FOXN4: variants seen among roughly 807,000 people sequenced by gnomAD.
FOXN4 encodes forkhead box N4, also known as forkhead box protein N4.
In FOXN4, 12 loss-of-function variants were observed where a neutral mutation model predicts 45.0. The observed-to-expected ratio is 0.27, with a 90% CI of 0.17 to 0.43. The LOEUF is 0.43. Ranked by LOEUF, FOXN4 falls within the 20% of genes least tolerant of loss-of-function variation. The pLI, the probability that FOXN4 is intolerant of heterozygous loss-of-function variation, is 1.00. For synonymous variants in FOXN4, 297 were observed against 295.0 expected, an observed-to-expected ratio of 1.01 and a Z score of -0.07; for missense variants, 560 against 694.9, an observed-to-expected ratio of 0.81 and a Z score of 2.18.
At chr12:109,296,962 C>T (rs1207703967) in intron 2 of FOXN4, among the ~76,000 whole-genome samples, 1 of 152,248 alleles carries the variant, frequency 6.6e-6, no homozygotes, top group Non-Finnish European at 1.5e-5. Context: ...GGATTGTTAT[C>T]GTCACCACCT....
intron 2 of FOXN4, among the ~76,000 whole-genome samples, chr12:109,293,266 C>T (rs552959146): frequency 5.9e-5 from 9 of 152,198 alleles, no homozygotes; most frequent in Non-Finnish European, 1.2e-4. Context: ...GGGTTGGGGT[C>T]CTGACTCCCT....
rs2047721083 is a variant in FOXN4, at chr12:109,287,220, G to A, written c.596+177C>T. Reference sequence around the variant, plus strand: ...GTCTGCAGTGGGCTCTTGACCTGGGGGACCCTATGATGCGCCTTCCTGAGA... The same window carrying A: ...GTCTGCAGTGGGCTCTTGACCTGGGAGACCCTATGATGCGCCTTCCTGAGA... On this transcript the variant is annotated intron_variant, in intron 6 of 9. Coordinates refer to ENST00000299162, the MANE Select transcript of FOXN4 (RefSeq NM_213596.3). The surrounding 1 kb of genome is among the most constrained non-coding windows in gnomAD (Gnocchi z 4.1). Among the ~76,000 whole-genome samples, 1 of 152,218 alleles carries A rather than the reference G, an allele frequency of 6.6e-6. No individual in the cohort carries two copies. The highest frequency in any genetic ancestry group is 1.5e-5 in the Non-Finnish European group (1 of 68,032).
In FOXN4 at chr12:109,287,993, G is replaced by A; in HGVS notation, c.358-39C>T. 1.3e-6 allele frequency: 2 copies of A among 1,549,554 alleles called. No homozygotes were observed. The highest frequency in any genetic ancestry group is 1.7e-6 in the Non-Finnish European group (2 of 1,146,834). ...AGAGGAGGAGACAGAGGGTCACGGT[G>A]GGGGTAGACACCCAGTCTGGAGGGC... On this transcript the variant is annotated intron_variant, in intron 4 of 9. Coordinates refer to ENST00000299162, the MANE Select transcript of FOXN4 (RefSeq NM_213596.3). The surrounding 1 kb of genome is among the most constrained non-coding windows in gnomAD (Gnocchi z 4.1).
At position 109,291,750 on chromosome 12, in the gene FOXN4, G is replaced by A. The variant is rs2047770301; in HGVS notation, c.87-1464C>T. On this transcript the variant is annotated intron_variant, in intron 2 of 9. Transcript: ENST00000299162. This position sits in a 1 kb window ranked among gnomAD's most constrained non-coding sequence, Gnocchi z 6.6. ...GCCCCCGCGATTGGCTGCCTCATAG[G>A]GAAACAGGGCCTGGAAACGATTTGA... Among the ~76,000 whole-genome samples the A allele has an allele frequency of 6.6e-6, 1 of 152,070 alleles. No individual in the cohort carries two copies. Among genetic ancestry groups the A allele is most frequent in the South Asian group, 2.1e-4 (1 of 4,816 alleles).
In FOXN4 at chr12:109,308,401, C is replaced by G. The variant is rs1055596338; in HGVS notation, c.-3-77G>C. On this transcript the variant is annotated intron_variant, in intron 1 of 9. Transcript: ENST00000299162. Reference sequence around the variant, plus strand: ...AGGGCAGAAACCCACAGTTTTCCCGCAATTCAGAAAGATGGAGCACAATCA... The same window carrying G: ...AGGGCAGAAACCCACAGTTTTCCCGGAATTCAGAAAGATGGAGCACAATCA... 1.4e-5 allele frequency: 14 copies of G among 980,514 alleles called. No homozygotes were observed. The African/African-American group carries it at 1.8e-4, about 13-fold the overall frequency. The allele number at this position is 980,514 out of a possible 1,614,324, so 60.7% of individuals were successfully genotyped here. A position where few individuals can be genotyped will look rare whatever the true frequency, so the allele number is the denominator to read the frequency against.
At chr12:109,284,398 G>C (rs1000286606) in intron 8 of FOXN4, among the ~76,000 whole-genome samples, 1 of 152,230 alleles carries the variant, frequency 6.6e-6, no homozygotes, top group Non-Finnish European at 1.5e-5. Flanking sequence ...CATAGGCAGA[G>C]CTGGGGCTGG....
intron 8 of FOXN4, among the ~76,000 whole-genome samples, chr12:109,282,439 C>A (rs948104592): frequency 6.6e-6 from 1 of 152,016 alleles, no homozygotes; most frequent in East Asian, 1.9e-4. Context: ...TAGAGCAAGA[C>A]CCTGCCTTTA....
intron 8 of FOXN4, 93 bp from the exon 9 acceptor site, chr12:109,281,892 T>C: frequency 7.1e-7 from 1 of 1,408,862 alleles, no homozygotes; most frequent in Non-Finnish European, 9.4e-7. Flanking sequence ...TCACCACCTG[T>C]GTGACCTTAG....
chr12:109,304,249 A>AAGAAAGAG (rs2047895280), intron 2 of FOXN4, among the ~76,000 whole-genome samples: 2 of 92,498 alleles, frequency 2.2e-5, no homozygotes, highest in Non-Finnish European at 4.5e-5. Flanking sequence ...GAAAGAAAGA[A>AAGAAAGAG]AGAAAGAAAG....
intron 2 of FOXN4, among the ~76,000 whole-genome samples, chr12:109,304,184 C>T (rs918548178): frequency 2.0e-4 from 24 of 119,318 alleles, no homozygotes; most frequent in Non-Finnish European, 3.6e-4. Context: ...GAGCCAGACT[C>T]CGTCAAAAAA....
chr12:109,293,315 G>A (rs1409446128), intron 2 of FOXN4, among the ~76,000 whole-genome samples: 1 of 152,024 alleles, frequency 6.6e-6, no homozygotes, highest in African/African-American at 2.4e-5. Flanking sequence ...CACCTCCGCT[G>A]GGAAGCCTTT....
Position 109,306,343 on chromosome 12 carries a change from T to C in FOXN4, c.86+1893A>G, listed in dbSNP as rs574762640. 8.5e-5 allele frequency among the ~76,000 whole-genome samples: 13 copies of C among 152,336 alleles called. No homozygotes were observed. In the South Asian group the frequency reaches 2.5e-3, roughly 29 times the overall value. ...ACAAAAGCAAGTCACCGGCCCTGCC[T>C]AAAGCTGGGCTTTGAACCTGCACGT... On this transcript the variant is annotated intron_variant, in intron 2 of 9. Transcript: ENST00000299162.
intron 8 of FOXN4, among the ~76,000 whole-genome samples, chr12:109,284,435 G>A (rs2047682222): frequency 7.0e-6 from 1 of 143,512 alleles, no homozygotes; most frequent in Admixed American, 6.8e-5. Context: ...CGTGGTGTGT[G>A]TGTGCATGCA....
At chr12:109,292,714 G>T (rs1401629461) in intron 2 of FOXN4, among the ~76,000 whole-genome samples, 4 of 152,146 alleles carry the variant, frequency 2.6e-5, no homozygotes, top group African/African-American at 9.7e-5. Context: ...GGGTCTGGGG[G>T]TCACACCGAC....
chr12:109,303,488 C>CTT (rs897255423), intron 2 of FOXN4, among the ~76,000 whole-genome samples: 3 of 152,246 alleles, frequency 2.0e-5, no homozygotes, highest in Non-Finnish European at 4.4e-5. Context: ...TATGTATTAA[C>CTT]TTTTATCTAC....
chr12:109,295,077 G>A (rs879930309), intron 2 of FOXN4, among the ~76,000 whole-genome samples: 2 of 152,132 alleles, frequency 1.3e-5, no homozygotes, highest in Admixed American at 6.5e-5. Context: ...ATGGGCATGA[G>A]TGATAATAAT....
Position 109,291,789 on chromosome 12 carries a change from C to T in FOXN4, c.87-1503G>A, listed in dbSNP as rs552245547. ...GAAACGATTTGAAAACGCGGCCGGC[C>T]GGCCGTGTCAGTGGCAGCAGTTGGT... On this transcript the variant is annotated intron_variant, in intron 2 of 9. Coordinates refer to ENST00000299162, the MANE Select transcript of FOXN4 (RefSeq NM_213596.3). The surrounding 1 kb of genome is among the most constrained non-coding windows in gnomAD (Gnocchi z 6.6). Among the ~76,000 whole-genome samples, 1 of 152,176 alleles carries T rather than the reference C, an allele frequency of 6.6e-6. No individual in the cohort carries two copies. The highest frequency in any genetic ancestry group is 2.1e-4 in the South Asian group (1 of 4,820).
intron 2 of FOXN4, among the ~76,000 whole-genome samples, chr12:109,301,025 C>A (rs975982189): frequency 6.6e-6 from 1 of 152,228 alleles, no homozygotes; most frequent in Non-Finnish European, 1.5e-5. Flanking sequence ...CAAGACACCA[C>A]TGGAGTCCAT....
intron 2 of FOXN4, among the ~76,000 whole-genome samples, chr12:109,295,112 TC>T (rs2047804661): frequency 2.0e-5 from 3 of 152,064 alleles, no homozygotes; most frequent in Admixed American, 6.6e-5. Flanking sequence ...CCGCAATACC[TC>T]ATACCCCCCA....
Sources: gnomAD v4.1 joint callset for allele counts (sites outside exome capture counted in the v4.1 genomes callset) on GRCh38, gnomAD v4.1.1 for gene constraint, Gnocchi (gnomAD v3.1) non-coding constraint, MANE v1.5 for transcripts, NCBI Gene and HGNC (gene_info 2026-07-23, HGNC 2026-07-21) for gene names.